The following KLHDC4 variants were observed in gnomAD, a reference collection of about 807,000 sequenced individuals.
KLHDC4 encodes kelch domain-containing protein 4.
A neutral mutation model predicts 62.4 loss-of-function variants in KLHDC4; 90 were observed. The ratio of observed to expected loss-of-function variants is 1.44; its 90% CI spans 1.22 to 1.72. The LOEUF is 1.72. Ranked by LOEUF, KLHDC4 falls within the 40% of genes most tolerant of loss-of-function variation. KLHDC4 has a pLI of 0.00. For synonymous variants in KLHDC4, 386 were observed against 284.4 expected, an observed-to-expected ratio of 1.36 and a Z score of -3.59; for missense variants, 1,025 against 699.7, an observed-to-expected ratio of 1.47 and a Z score of -5.25.
chr16:87,761,436 T>C lies in KLHDC4; in HGVS notation c.191+513A>G, dbSNP rs569945485. On this transcript the variant is annotated intron_variant, in intron 2 of 11. Transcript: ENST00000270583. Reference sequence around the variant, plus strand: ...ATCTCCTACTGAGGGAAATAAACCATTTCTCATTCCAGCTCATCCCACACG... The same window carrying C: ...ATCTCCTACTGAGGGAAATAAACCACTTCTCATTCCAGCTCATCCCACACG... Among the ~76,000 whole-genome samples the C allele has an allele frequency of 8.5e-5, 13 of 152,366 alleles. No homozygotes were observed. The South Asian group carries it at 2.7e-3, about 32-fold the overall frequency.
At chr16:87,731,734 A>G (rs1221597369) in intron 5 of KLHDC4, among the ~76,000 whole-genome samples, 2 of 152,226 alleles carry the variant, frequency 1.3e-5, no homozygotes, top group African/African-American at 2.4e-5. Context: ...GGAAAACACC[A>G]GTCCACACAG....
At chr16:87,762,389 C>G (rs373570275) in intron 1 of KLHDC4, among the ~76,000 whole-genome samples, 1 of 152,134 alleles carries the variant, frequency 6.6e-6, no homozygotes, top group South Asian at 2.1e-4. Flanking sequence ...ACCTGCCAGC[C>G]TTCCTGTCTG....
At chr16:87,730,745 G>T in intron 5 of KLHDC4, 101 bp from the exon 6 acceptor site, 1 of 975,258 alleles carries the variant, frequency 1.0e-6, no homozygotes, top group Non-Finnish European at 1.6e-6. Context: ...ACTGATTTCT[G>T]TTTTGTGAGC....
chr16:87,714,292 C>T (rs931431481), intron 8 of KLHDC4: 3 of 741,694 alleles, frequency 4.0e-6, no homozygotes, highest in East Asian at 1.3e-4. Context: ...TCATCAATGC[C>T]CCCAAAGGTG....
At chr16:87,720,528 G>A (rs2038070188) in intron 7 of KLHDC4, among the ~76,000 whole-genome samples, 1 of 116,678 alleles carries the variant, frequency 8.6e-6, no homozygotes, top group Admixed American at 7.5e-5. Context: ...CAGGTGATGA[G>A]CCCCTGCGGA....
chr16:87,718,872 C>A (rs1040057932), intron 7 of KLHDC4, among the ~76,000 whole-genome samples: 1 of 151,754 alleles, frequency 6.6e-6, no homozygotes, highest in Non-Finnish European at 1.5e-5. Flanking sequence ...CTCTGTCCGG[C>A]CGCGACCCCG....
chr16:87,710,470 G>A (rs1397255114), intron 9 of KLHDC4: 1 of 152,214 alleles, frequency 6.6e-6, no homozygotes, highest in East Asian at 1.9e-4. Flanking sequence ...GCTCTCTGAG[G>A]TCCTCCGTAA....
At chr16:87,760,039 TA>T (rs1224379650) in intron 2 of KLHDC4, among the ~76,000 whole-genome samples, 1 of 152,044 alleles carries the variant, frequency 6.6e-6, no homozygotes, top group African/African-American at 2.4e-5. Context: ...GGTTTTAAAG[TA>T]ATATGATTAA....
chr16:87,705,972 G>A (rs1005060804), downstream of KLHDC4, among the ~76,000 whole-genome samples: 9 of 152,238 alleles, frequency 5.9e-5, no homozygotes, highest in Non-Finnish European at 1.0e-4. Flanking sequence ...AGCCCTGTGC[G>A]GGGTCGGTGC....
chr16:87,755,647 A>C (rs1007932835), intron 3 of KLHDC4: 1 of 188,062 alleles, frequency 5.3e-6, no homozygotes, highest in East Asian at 1.5e-4. Flanking sequence ...GCTCACTGCA[A>C]CCTCCGCCTC....
downstream of KLHDC4, among the ~76,000 whole-genome samples, chr16:87,705,731 GCCACACAATGGCGT>G (rs2034586405): frequency 6.6e-6 from 1 of 152,162 alleles, no homozygotes; most frequent in Non-Finnish European, 1.5e-5. Flanking sequence ...GAAAGAACCG[GCCACACAATGGCGT>G]CCATCTTCTG....
intron 5 of KLHDC4, among the ~76,000 whole-genome samples, chr16:87,744,938 T>C (rs1166535911): frequency 6.6e-6 from 1 of 152,146 alleles, no homozygotes; most frequent in Non-Finnish European, 1.5e-5. Flanking sequence ...GACAGGCACA[T>C]GCACTCACAT....
At chr16:87,765,232 C>T (rs1300491333) in intron 1 of KLHDC4, 1 of 456,088 alleles carries the variant, frequency 2.2e-6, no homozygotes, top group Admixed American at 2.3e-5. Context: ...AAGGAGACAA[C>T]CGTGATGGCC....
At chr16:87,711,195 GCTGCGCACCA>G in intron 9 of KLHDC4, 30 bp downstream of exon 9, 3 of 1,604,476 alleles carry the variant, frequency 1.9e-6, no homozygotes, top group Non-Finnish European at 2.6e-6. Flanking sequence ...CCAAGTTAGG[GCTGCGCACCA>G]CGGCGCATGC....
chr16:87,700,983 G>A (rs2034119445), exon 1 of KLHDC4: 1 of 214,538 alleles, frequency 4.7e-6, no homozygotes, highest in Non-Finnish European at 9.6e-6. Flanking sequence ...TCGGTACGCA[G>A]AAACTGAGGA....
At position 87,756,491 on chromosome 16, in the gene KLHDC4, A is replaced by AAGC. The variant is rs1332958382; in HGVS notation, c.192-17_192-15dup. The AAGC allele has an allele frequency of 3.1e-6, 5 of 1,607,358 alleles. No homozygotes were observed. In the African/African-American group the frequency reaches 5.3e-5, roughly 17 times the overall value. On this transcript the variant is annotated splice_polypyrimidine_tract_variant and intron_variant, in intron 2 of 11. Transcript: ENST00000270583. Reference sequence around the variant, plus strand: ...GAGGCATTTAACCTACAAGACACACAAGCGGCAGGTCAGCAAGATCACCCC... The same window carrying AAGC: ...GAGGCATTTAACCTACAAGACACACAAGCAGCGGCAGGTCAGCAAGATCACCCC...
intron 9 of KLHDC4, chr16:87,709,939 C>G (rs763734590): frequency 6.2e-6 from 3 of 483,406 alleles, no homozygotes; most frequent in Non-Finnish European, 7.4e-6. Context: ...TCCACACCTC[C>G]ACTGAGAGGT....
chr16:87,728,827 A>T (rs965526446), intron 6 of KLHDC4, among the ~76,000 whole-genome samples: 10 of 152,110 alleles, frequency 6.6e-5, no homozygotes, highest in African/African-American at 1.9e-4. Context: ...AAAAATACAA[A>T]AATTAGCTGG....
exon 1 of KLHDC4, chr16:87,702,494 C>T (rs1414431488): frequency 1.1e-5 from 4 of 358,070 alleles, no homozygotes; most frequent in African/African-American, 2.1e-5. Flanking sequence ...CACACTTCTC[C>T]GGCAGCAACT....
Sources: allele counts gnomAD v4.1 joint callset (sites outside exome capture counted in the v4.1 genomes callset), GRCh38; gene constraint gnomAD v4.1.1; transcripts MANE v1.5; gene names NCBI Gene and HGNC (gene_info 2026-07-23, HGNC 2026-07-21).